The following ARMCX4 variants were observed in gnomAD, a reference collection of about 807,000 sequenced individuals.
ARMCX4 encodes armadillo repeat-containing X-linked protein 4.
ARMCX4 carries 3 observed loss-of-function variants against 34.7 expected under a neutral mutation model. The ratio of observed to expected loss-of-function variants is 0.09; its 90% CI spans 0.04 to 0.22. ARMCX4 has a LOEUF of 0.22. ARMCX4 is among the 10% of genes least tolerant of loss of function. The pLI is 1.00. For synonymous variants in ARMCX4, 513 were observed against 632.8 expected (o/e 0.81, Z 2.84); for missense variants, 1,448 against 1,720.8 (o/e 0.84, Z 2.81).
In ARMCX4 at chrX:101,491,636, C is replaced by A. The variant is rs1556009267; in HGVS notation, c.3047C>A (p.Pro1016His). Residue 1016 changes from proline (P) to histidine (H), a missense_variant, in exon 6 of 6, where the codon CCT becomes CAT. Pro to His is a moderately conservative substitution (Grantham distance 77, BLOSUM62 -2). This residue lies in a region of ARMCX4 where 1,343 missense variants were observed against 1,540.7 expected (regional missense o/e 0.87). Coordinates refer to ENST00000423738, the MANE Select transcript of ARMCX4 (RefSeq NM_001256155.3). ...GTCAAGGGCAATACCATTGCTGTGC[C>A]TAAAGCAGGGACTGGGGCAGGCACA... ...NKVKGNTIAVPKAGTGAGTRH... is the reference protein window; with the variant it reads ...NKVKGNTIAVHKAGTGAGTRH... The A allele has an allele frequency of 8.6e-7, 1 of 1,156,573 alleles. No individual in the cohort carries two copies. The highest frequency in any genetic ancestry group is 1.1e-6 in the Non-Finnish European group (1 of 873,008).
intron 2 of ARMCX4, among the ~76,000 whole-genome samples, chrX:101,433,370 AT>A (rs1372539311): frequency 2.7e-5 from 3 of 109,222 alleles, no homozygotes; most frequent in Non-Finnish European, 5.7e-5. Context: ...ACATATAAAC[AT>A]ATGTACATAT....
exon 3 of ARMCX4, chrX:101,444,090 T>G: frequency 2.9e-6 from 1 of 339,261 alleles, no homozygotes; most frequent in South Asian, 3.2e-5. Flanking sequence ...CTTTGGAACT[T>G]TGTCTACAAA....
chrX:101,489,379 C>A lies in ARMCX4; in HGVS notation c.790C>A (p.Pro264Thr), dbSNP rs1933880667. Residue 264 changes from proline to threonine, a missense_variant, in exon 6 of 6, where the codon CCC becomes ACC. Physicochemically the swap from Pro to Thr is conservative, Grantham distance 38. Around this residue, in one of 2 missense-constraint regions of ARMCX4, gnomAD observed 1,343 missense variants for 1,540.7 expected, o/e 0.87. Transcript: ENST00000423738. ...PGATVDARGN[P>T]NGMSREVAGV... ...TGCCACAGTTGATGCTAGGGGAAAT[C>A]CCAATGGCATGTCCAGGGAGGTGGC... 4.3e-6 allele frequency: 5 copies of A among 1,154,717 alleles called. No homozygotes were observed. Among genetic ancestry groups the A allele is most frequent in the South Asian group, 3.8e-5 (2 of 52,653 alleles).
At chrX:101,459,116 T>A (rs1248008919) in intron 4 of ARMCX4, among the ~76,000 whole-genome samples, 1 of 112,073 alleles carries the variant, frequency 8.9e-6, no homozygotes, top group African/African-American at 3.2e-5. Context: ...GTTTTCCCTT[T>A]CTTGCCGTCT....
chrX:101,530,492 A>T (rs1317376677), intron 11 of ARMCX4, among the ~76,000 whole-genome samples: 3 of 112,095 alleles, frequency 2.7e-5, no homozygotes, highest in African/African-American at 9.7e-5. Flanking sequence ...ATAAAAAAAT[A>T]AAAAATAAAA....
chrX:101,510,130 A>T (rs1441790381), intron 10 of ARMCX4, among the ~76,000 whole-genome samples: 2 of 112,206 alleles, frequency 1.8e-5, no homozygotes, highest in East Asian at 5.5e-4. Flanking sequence ...TATGTAAGGA[A>T]ACATAAATGT....
chrX:101,485,446 T>C, upstream of ARMCX4: 2 of 642,871 alleles, frequency 3.1e-6, no homozygotes, highest in Non-Finnish European at 3.7e-6. Flanking sequence ...CAGCCTTCGT[T>C]GCAGTCGTCA....
At chrX:101,433,130 A>G (rs1481934417) in intron 2 of ARMCX4, among the ~76,000 whole-genome samples, 7 of 108,331 alleles carry the variant, frequency 6.5e-5, no homozygotes, top group South Asian at 3.7e-4. Flanking sequence ...ATGTATACAT[A>G]TTTGTATATA....
At chrX:101,506,359 A>G (rs143235286) in intron 8 of ARMCX4, among the ~76,000 whole-genome samples, 63 of 111,897 alleles carry the variant, frequency 5.6e-4, no homozygotes, top group Non-Finnish European at 5.1e-4. Context: ...ACAACAAAAT[A>G]CCACAGACTG....
At chrX:101,432,883 C>T (rs782713388) in intron 2 of ARMCX4, among the ~76,000 whole-genome samples, 6 of 63,960 alleles carry the variant, frequency 9.4e-5, no homozygotes, top group South Asian at 2.0e-3. Context: ...CATATGTATA[C>T]GTGTGTATAT....
chrX:101,460,075 C>A (rs1556001013), intron 4 of ARMCX4, among the ~76,000 whole-genome samples: 1 of 112,854 alleles, frequency 8.9e-6, no homozygotes, highest in Non-Finnish European at 1.9e-5. Context: ...AACCACTGGT[C>A]TGGCTAATAG....
At chrX:101,427,132 TAA>T (rs782477488) in intron 2 of ARMCX4, among the ~76,000 whole-genome samples, 2 of 111,779 alleles carry the variant, frequency 1.8e-5, no homozygotes, top group South Asian at 7.4e-4. Context: ...TGGGGAAAAA[TAA>T]AGTTAACATC....
downstream of ARMCX4, among the ~76,000 whole-genome samples, chrX:101,450,995 C>T (rs1931945417): frequency 9.0e-6 from 1 of 111,460 alleles, no homozygotes; most frequent in Admixed American, 9.6e-5. Flanking sequence ...AAGGAAGAGT[C>T]TCTTTTAAAG....
intron 4 of ARMCX4, among the ~76,000 whole-genome samples, chrX:101,455,906 C>T (rs1340495170): frequency 1.8e-5 from 2 of 111,126 alleles, no homozygotes; most frequent in Non-Finnish European, 3.8e-5. Context: ...AGTCAGAATA[C>T]GAGACATACG....
upstream of ARMCX4, among the ~76,000 whole-genome samples, chrX:101,480,618 A>G (rs1231561404): frequency 8.9e-6 from 1 of 111,784 alleles, no homozygotes; most frequent in Non-Finnish European, 1.9e-5. Context: ...GATGTTAGTG[A>G]TAGATTGAGA....
chrX:101,440,932 G>A (rs1931245272), intron 2 of ARMCX4, among the ~76,000 whole-genome samples: 2 of 111,220 alleles, frequency 1.8e-5, no homozygotes, highest in Admixed American at 9.6e-5. Context: ...CGGGTGAGGC[G>A]ATGCCTTGCC....
At chrX:101,471,631 T>A (rs1354031856) in intron 4 of ARMCX4, among the ~76,000 whole-genome samples, 1 of 111,702 alleles carries the variant, frequency 9.0e-6, no homozygotes, top group African/African-American at 3.3e-5. Flanking sequence ...GACTGCCTCT[T>A]CAAGTGGGTC....
chrX:101,494,273 T>C lies in ARMCX4; in HGVS notation c.5684T>C (p.Ile1895Thr), dbSNP rs1556011150. Residue 1895 changes from isoleucine (I) to threonine (T), a missense_variant, in exon 6 of 6, where the codon ATT (isoleucine) becomes ACT (threonine). Around this residue, in one of 2 missense-constraint regions of ARMCX4, gnomAD observed 1,343 missense variants for 1,540.7 expected, o/e 0.87. Transcript: ENST00000423738. ...DELSRESSPDIEEISLRSLFW... is the reference protein window; with the variant it reads ...DELSRESSPDTEEISLRSLFW... ...CTAAGTAGAGAGTCCAGCCCTGATA[T>C]TGAGGAGATCAGTTTAAGGTCTTTG... 2 of 1,154,851 alleles carry C rather than the reference T, an allele frequency of 1.7e-6. No homozygotes were observed. The highest frequency in any genetic ancestry group is 1.8e-5 in the African/African-American group (1 of 56,023).
At chrX:101,471,008 G>C (rs1932887947) in intron 4 of ARMCX4, among the ~76,000 whole-genome samples, 2 of 111,982 alleles carry the variant, frequency 1.8e-5, no homozygotes, top group African/African-American at 6.5e-5. Flanking sequence ...TTTGATTTCA[G>C]CCATTCTAGT....
Sources: gnomAD v4.1 joint callset for allele counts (sites outside exome capture counted in the v4.1 genomes callset) on GRCh38, gnomAD v4.1.1 for gene constraint, gnomAD v4.1.1 regional missense constraint, MANE v1.5 for transcripts, NCBI Gene and HGNC (gene_info 2026-07-23, HGNC 2026-07-21) for gene names.